Variants in KPNB1 observed in about 807,000 individuals in gnomAD.
The protein encoded by KPNB1 is importin subunit beta-1.
KPNB1 carries 7 observed loss-of-function variants against 113.0 expected under a neutral mutation model. The observed-to-expected ratio is 0.06, with a 90% CI of 0.04 to 0.12. The LOEUF is 0.12. Among genes scored for constraint, KPNB1 ranks in the 10% least tolerant of loss-of-function variants. The pLI is 1.00. For synonymous variants in KPNB1, 363 were observed against 378.6 expected (o/e 0.96, Z 0.48); for missense variants, 400 against 1,054.8 (o/e 0.38, Z 8.60).
At chr17:47,664,393 T>G in intron 8 of KPNB1, 124 bp downstream of exon 8, 1 of 660,758 alleles carries the variant, frequency 1.5e-6, no homozygotes, top group South Asian at 1.9e-5. Context: ...TGGCAGAGAT[T>G]TTGATTTTTC....
At chr17:47,659,557 A>G (rs1285692546) in intron 5 of KPNB1, among the ~76,000 whole-genome samples, 4 of 152,146 alleles carry the variant, frequency 2.6e-5, no homozygotes, top group Non-Finnish European at 1.5e-5. Flanking sequence ...GTTTGAGACT[A>G]GCCTGTGCAA....
chr17:47,653,038 A>G (rs1343000488), intron 3 of KPNB1, among the ~76,000 whole-genome samples, 162 bp downstream of exon 3: 2 of 152,146 alleles, frequency 1.3e-5, no homozygotes, highest in South Asian at 4.1e-4. Flanking sequence ...ATCTTTCTCA[A>G]CACAGCTTGT....
intron 19 of KPNB1, among the ~76,000 whole-genome samples, chr17:47,679,512 T>C (rs936688878): frequency 3.3e-5 from 5 of 152,222 alleles, no homozygotes; most frequent in African/African-American, 1.2e-4. Flanking sequence ...GGAAGAGGAA[T>C]ATTTGTCTCT....
At position 47,682,859 on chromosome 17, in the gene KPNB1, G is replaced by A. The variant is rs2030825364; in HGVS notation, c.*455G>A. 1.1e-5 allele frequency: 2 copies of A among 187,140 alleles called. No individual in the cohort carries two copies. Among genetic ancestry groups the A allele is most frequent in the African/African-American group, 4.8e-5 (2 of 41,834 alleles). 11.6% of individuals were successfully genotyped at this position (187,140 alleles called of 1,614,324 possible). A position where few individuals can be genotyped will look rare whatever the true frequency, so the allele number is the denominator to read the frequency against. Reference sequence around the variant, plus strand: ...CTACTGAGGAGAAAGATGGAGCCTGGGTCTCAAGCCCACCTTCGCTGTACC... The same window carrying A: ...CTACTGAGGAGAAAGATGGAGCCTGAGTCTCAAGCCCACCTTCGCTGTACC... On this transcript the variant is annotated 3_prime_UTR_variant, in exon 22 of 22. Coordinates refer to ENST00000290158, the MANE Select transcript of KPNB1 (RefSeq NM_002265.6).
chr17:47,675,361 G>GTTTTT (rs1166648701), intron 15 of KPNB1, among the ~76,000 whole-genome samples: 932 of 88,528 alleles, frequency 0.011, 172 homozygotes, highest in African/African-American at 0.015. Flanking sequence ...CAGAGGTGTT[G>GTTTTT]TTTTTTTTTT....
chr17:47,663,977 C>T (rs2030187586), intron 7 of KPNB1, among the ~76,000 whole-genome samples, 182 bp from the exon 8 acceptor site: 1 of 150,282 alleles, frequency 6.7e-6, no homozygotes, highest in Admixed American at 6.6e-5. Context: ...AGAGTGAGAC[C>T]CCATCACCAA....
At chr17:47,670,269 A>G in intron 11 of KPNB1, 1 of 219,628 alleles carries the variant, frequency 4.6e-6, no homozygotes, top group Non-Finnish European at 9.3e-6. Context: ...TAATTGGTTA[A>G]GGGGAGGAAG....
intron 18 of KPNB1, 24 bp downstream of exon 18, chr17:47,678,213 GTTCT>G (rs760363583): frequency 7.4e-6 from 12 of 1,613,654 alleles, no homozygotes; most frequent in Non-Finnish European, 9.3e-6. Context: ...TATCTTGGCT[GTTCT>G]TTAAGTCTAG....
At chr17:47,666,806 A>G (rs1474421328) in intron 9 of KPNB1, among the ~76,000 whole-genome samples, 1 of 151,424 alleles carries the variant, frequency 6.6e-6, no homozygotes, top group Non-Finnish European at 1.5e-5. Context: ...TTTAGTAGAG[A>G]CGGGGTTTCA....
In KPNB1 at chr17:47,678,048, T is replaced by C; in HGVS notation, c.2106T>C (p.Asn702=). The change falls in exon 18 of 22, where the codon AAT becomes AAC. Residue 702 remains asparagine, a splice_region_variant and synonymous_variant. Coordinates refer to ENST00000290158, the MANE Select transcript of KPNB1 (RefSeq NM_002265.6). ...CTTTTCCTTTTGTTCCTTGTCAGAA[T>C]GAGAACGTCCACAGGTCTGTGAAGC... is the stretch of plus-strand genomic sequence containing the variant. ...VMQLLLENLG[N]ENVHRSVKPQ... The C allele has an allele frequency of 1.9e-6, 3 of 1,613,004 alleles. No homozygotes were observed. The highest frequency in any genetic ancestry group is 2.5e-6 in the Non-Finnish European group (3 of 1,179,644).
At chr17:47,658,036 A>G (rs2029959850) in intron 4 of KPNB1, among the ~76,000 whole-genome samples, 1 of 152,148 alleles carries the variant, frequency 6.6e-6, no homozygotes, top group Non-Finnish European at 1.5e-5. Flanking sequence ...GCATTGTGGT[A>G]GTGCCTGTGA....
chr17:47,656,214 G>A lies in KPNB1; in HGVS notation c.283-646G>A, dbSNP rs535193850. Reference sequence around the variant, plus strand: ...GCGGAGGTTGCAGTGAGCCGAGATCGCGCCATCATGCTCCAGCCTGGGGGA... The same window carrying A: ...GCGGAGGTTGCAGTGAGCCGAGATCACGCCATCATGCTCCAGCCTGGGGGA... On this transcript the variant is annotated intron_variant, in intron 3 of 21. Transcript: ENST00000290158. Among the ~76,000 whole-genome samples the A allele has an allele frequency of 3.3e-5, 5 of 151,898 alleles. No individual in the cohort carries two copies. The South Asian group carries it at 1.0e-3, about 32-fold the overall frequency.
chr17:47,658,703 A>G, intron 5 of KPNB1, 43 bp downstream of exon 5: 1 of 1,533,850 alleles, frequency 6.5e-7, no homozygotes, highest in Non-Finnish European at 8.9e-7. Context: ...ACAGTAAGGG[A>G]TGAAAGAGTT....
rs111802196 is a variant in KPNB1 at position 47,683,905 on chromosome 17, T to C, written c.*1501T>C. 1 of 152,294 alleles carries C rather than the reference T, an allele frequency of 6.6e-6. No homozygotes were observed. Among genetic ancestry groups the C allele is most frequent in the South Asian group, 2.1e-4 (1 of 4,824 alleles). 9.4% of individuals were successfully genotyped at this position (152,294 alleles called of 1,614,324 possible). ...GAAGTGTGATGTGGTATGATTACCATAAATCAGACTTAATTATTTTCCCTT... is the reference window on the plus strand; with the variant it reads ...GAAGTGTGATGTGGTATGATTACCACAAATCAGACTTAATTATTTTCCCTT... On this transcript the variant is annotated 3_prime_UTR_variant, in exon 22 of 22. Transcript: ENST00000290158.
At chr17:47,675,369 T>TTG (rs2030575234) in intron 15 of KPNB1, among the ~76,000 whole-genome samples, 1 of 116,568 alleles carries the variant, frequency 8.6e-6, no homozygotes, top group African/African-American at 3.8e-5. Flanking sequence ...TTGTTTTTTT[T>TTG]TTGTTTTTTT....
intron 19 of KPNB1, chr17:47,678,699 C>T (rs1271412597): frequency 5.9e-6 from 2 of 340,150 alleles, no homozygotes; most frequent in African/African-American, 2.1e-5. Context: ...CCTCCACCTC[C>T]CAGGTTCAAG....
chr17:47,674,675 A>G lies in KPNB1; in HGVS notation c.1805A>G (p.Gln602Arg), dbSNP rs369233805. ...AAAGTGCAACATCAAGATGCTTTGCAGATCTCTGATGTGGTTATGGCCTCC... is the reference window on the plus strand; with the variant it reads ...AAAGTGCAACATCAAGATGCTTTGCGGATCTCTGATGTGGTTATGGCCTCC... The part of the protein sequence containing the change: ...LRKVQHQDAL[Q>R]ISDVVMASLL... The change falls in exon 15 of 22, where the codon CAG (glutamine) becomes CGG (arginine). Residue 602 changes from glutamine (Q) to arginine (R), a missense_variant. By Grantham distance (43) the Gln-to-Arg change is conservative. Around this residue, in one of 2 missense-constraint regions of KPNB1, gnomAD observed 115 missense variants for 427.9 expected, o/e 0.27. Coordinates refer to ENST00000290158, the MANE Select transcript of KPNB1 (RefSeq NM_002265.6). 1 of 1,614,160 alleles carries G rather than the reference A, an allele frequency of 6.2e-7. No homozygotes were observed. Among genetic ancestry groups the G allele is most frequent in the Non-Finnish European group, 8.5e-7 (1 of 1,179,984 alleles).
chr17:47,650,560 C>CCG, intron 2 of KPNB1, 116 bp downstream of exon 2: 1 of 742,842 alleles, frequency 1.3e-6, no homozygotes, highest in Non-Finnish European at 2.2e-6. Flanking sequence ...TCCCGTCCCC[C>CCG]TCCCCCCTCC....
At chr17:47,667,858 G>A (rs1031671510) in intron 9 of KPNB1, among the ~76,000 whole-genome samples, 2 of 152,024 alleles carry the variant, frequency 1.3e-5, no homozygotes, top group Non-Finnish European at 1.5e-5. Context: ...GCGCCTGGCC[G>A]ATTTTGGACT....
Sources: allele counts gnomAD v4.1 joint callset (sites outside exome capture counted in the v4.1 genomes callset), GRCh38; gene constraint gnomAD v4.1.1; regional missense constraint gnomAD v4.1.1; transcripts MANE v1.5; gene names NCBI Gene and HGNC (gene_info 2026-07-23, HGNC 2026-07-21).